CHODL: variants seen among roughly 807,000 people sequenced by gnomAD.
The protein encoded by CHODL is chondrolectin.
Under a neutral mutation model 34.5 loss-of-function variants are expected in CHODL, and 29 were observed. The ratio of observed to expected loss-of-function variants is 0.84; its 90% CI spans 0.63 to 1.15. The LOEUF (loss-of-function observed/expected upper bound fraction) is 1.15, where lower values mean the gene tolerates loss of function less well. Among genes scored for constraint, CHODL ranks in the 50% most tolerant of loss-of-function variants. CHODL has a pLI of 0.00. For missense variants in CHODL, 332 were observed against 332.5 expected (o/e 1.00, Z 0.01); for synonymous variants, 125 against 116.1 (o/e 1.08, Z -0.49).
chr21:18,165,737 A>G (rs1039521560), intron 2 of CHODL, among the ~76,000 whole-genome samples: 14 of 152,220 alleles, frequency 9.2e-5, no homozygotes, highest in Admixed American at 3.3e-4. Context: ...AAAATATTCT[A>G]TCTTTCAGTG....
intron 1 of CHODL, among the ~76,000 whole-genome samples, chr21:18,019,091 T>G (rs2064103322): frequency 6.6e-6 from 1 of 152,122 alleles, no homozygotes. Flanking sequence ...ATTTGTAGAG[T>G]TTTTGTGAGA....
At chr21:18,170,649 T>C (rs933236970) in intron 2 of CHODL, among the ~76,000 whole-genome samples, 1 of 152,138 alleles carries the variant, frequency 6.6e-6, no homozygotes, top group Non-Finnish European at 1.5e-5. Context: ...TTAATTTCAA[T>C]TGTATATCAA....
chr21:17,943,946 A>G (rs1272344709), intron 1 of CHODL, among the ~76,000 whole-genome samples: 3 of 152,116 alleles, frequency 2.0e-5, no homozygotes, highest in Non-Finnish European at 4.4e-5. Flanking sequence ...TGACCAGTGC[A>G]CAAATCTTGG....
chr21:18,015,920 C>A (rs2064068619), intron 1 of CHODL, among the ~76,000 whole-genome samples: 1 of 152,136 alleles, frequency 6.6e-6, no homozygotes, highest in African/African-American at 2.4e-5. Context: ...GCTTCTAAAA[C>A]ATATGCTCGT....
intron 1 of CHODL, among the ~76,000 whole-genome samples, chr21:17,976,270 GAAAAAAA>G (rs71318119): frequency 6.2e-4 from 41 of 66,526 alleles, no homozygotes; most frequent in African/African-American, 1.6e-3. Context: ...GACCATCTCA[GAAAAAAA>G]AAAAAAAAAA....
intron 1 of CHODL, among the ~76,000 whole-genome samples, chr21:17,956,967 C>A (rs1019843553): frequency 4.0e-5 from 6 of 151,656 alleles, no homozygotes; most frequent in African/African-American, 1.5e-4. Flanking sequence ...AATCAGTGAA[C>A]TGAGTAAAGA....
At chr21:18,180,152 T>A (rs1303554018) in intron 2 of CHODL, among the ~76,000 whole-genome samples, 1 of 152,218 alleles carries the variant, frequency 6.6e-6, no homozygotes, top group Non-Finnish European at 1.5e-5. Context: ...GGTAACATCC[T>A]TTTTGTTTGT....
chr21:17,966,534 C>T (rs1428222511), intron 1 of CHODL, among the ~76,000 whole-genome samples: 1 of 152,144 alleles, frequency 6.6e-6, no homozygotes, highest in Non-Finnish European at 1.5e-5. Flanking sequence ...CCCAGGTCAA[C>T]TTAACTACAG....
Position 17,955,991 on chromosome 21 carries a change from A to C in CHODL, c.-145+38591A>C, listed in dbSNP as rs774857450. Among the ~76,000 whole-genome samples the C allele has an allele frequency of 1.5e-5, 2 of 137,182 alleles. 1 individual carries two copies. Among genetic ancestry groups the C allele is most frequent in the Non-Finnish European group, 3.3e-5 (2 of 60,324 alleles). The allele number at this position is 137,182 out of a possible 152,430, so 90.0% of individuals were successfully genotyped here. On this transcript the variant is annotated intron_variant, in intron 1 of 6. Transcript: ENST00000400127. ...GGAAGAAAAAGATTTTGAGGAGTTC[A>C]TATAACTTTCAGGGAGTCTTTTCAT... is the stretch of plus-strand genomic sequence containing the variant.
At chr21:18,218,669 G>C (rs1333854673) in intron 2 of CHODL, among the ~76,000 whole-genome samples, 2 of 152,054 alleles carry the variant, frequency 1.3e-5, no homozygotes, top group African/African-American at 4.8e-5. Context: ...TCGTTGCCAG[G>C]CTGCAAAAAT....
chr21:17,997,519 C>G (rs1312775408), intron 1 of CHODL, among the ~76,000 whole-genome samples: 2 of 152,070 alleles, frequency 1.3e-5, no homozygotes. Context: ...CTATGTAGAC[C>G]TTGTGTATTA....
chr21:18,007,674 C>T (rs1163997318), intron 1 of CHODL, among the ~76,000 whole-genome samples: 7 of 152,120 alleles, frequency 4.6e-5, no homozygotes, highest in Non-Finnish European at 8.8e-5. Context: ...TATTTGTTTT[C>T]TTCAGACTAA....
intron 2 of CHODL, among the ~76,000 whole-genome samples, chr21:18,178,023 A>G (rs1455187244): frequency 6.6e-6 from 1 of 152,144 alleles, no homozygotes; most frequent in African/African-American, 2.4e-5. Context: ...AGTAGATCTA[A>G]CCTTGAGAAA....
intron 2 of CHODL, among the ~76,000 whole-genome samples, chr21:18,145,856 A>T (rs529439224): frequency 1.3e-5 from 2 of 152,364 alleles, no homozygotes; most frequent in African/African-American, 4.8e-5. Context: ...ATACTCACAC[A>T]TGTGGAACAA....
At chr21:18,264,671 A>G (rs2074429283) in intron 5 of CHODL, among the ~76,000 whole-genome samples, 1 of 151,676 alleles carries the variant, frequency 6.6e-6, no homozygotes, top group Non-Finnish European at 1.5e-5. Flanking sequence ...GAACTTCTGC[A>G]GGTGCCTGAA....
intron 2 of CHODL, among the ~76,000 whole-genome samples, chr21:18,141,809 G>A (rs1688175): frequency 0.081 from 12,304 of 151,742 alleles, 1,482 homozygotes; most frequent in African/African-American, 0.26. Context: ...AGCCAGAGAA[G>A]CAAACAAGCT....
At chr21:17,929,525 A>G (rs1355930863) in intron 1 of CHODL, among the ~76,000 whole-genome samples, 3 of 152,234 alleles carry the variant, frequency 2.0e-5, no homozygotes, top group Non-Finnish European at 2.9e-5. Context: ...AATTATGGAA[A>G]GCAAAGAAAG....
intron 1 of CHODL, among the ~76,000 whole-genome samples, chr21:17,954,314 A>T (rs1245462474): frequency 6.6e-6 from 1 of 152,156 alleles, no homozygotes; most frequent in African/African-American, 2.4e-5. Flanking sequence ...CCAAGAACAT[A>T]GTTGCAAATT....
intron 1 of CHODL, among the ~76,000 whole-genome samples, chr21:18,008,875 C>A (rs1381826850): frequency 6.6e-6 from 1 of 152,134 alleles, no homozygotes; most frequent in Non-Finnish European, 1.5e-5. Context: ...TGAAAAACTT[C>A]ATTCAAATAG....
Sources: allele counts gnomAD v4.1 joint callset (sites outside exome capture counted in the v4.1 genomes callset), GRCh38; gene constraint gnomAD v4.1.1; transcripts MANE v1.5; gene names NCBI Gene and HGNC (gene_info 2026-07-23, HGNC 2026-07-21).